The following DNAAF4 variants were observed in gnomAD, a reference collection of about 807,000 sequenced individuals.
DNAAF4 encodes the protein dynein assembly factor 4, axonemal.
DNAAF4 carries 43 observed loss-of-function variants against 51.8 expected under a neutral mutation model. The ratio of observed to expected loss-of-function variants is 0.83; its 90% CI spans 0.65 to 1.07. The LOEUF is 1.07. DNAAF4 is among the 50% of genes least tolerant of loss of function. DNAAF4 has a pLI of 0.00. For synonymous variants in DNAAF4, 194 were observed against 165.6 expected, an observed-to-expected ratio of 1.17 and a Z score of -1.32; for missense variants, 581 against 493.0, an observed-to-expected ratio of 1.18 and a Z score of -1.69.
intron 6 of DNAAF4, among the ~76,000 whole-genome samples, chr15:55,449,688 A>T (rs1308642301): frequency 1.6e-5 from 2 of 128,472 alleles, no homozygotes; most frequent in Non-Finnish European, 3.1e-5. Flanking sequence ...ACAACAACAA[A>T]AAGACCGCTT....
intron 6 of DNAAF4, among the ~76,000 whole-genome samples, chr15:55,440,428 G>C (rs1309011756): frequency 6.6e-6 from 1 of 151,644 alleles, no homozygotes; most frequent in East Asian, 1.9e-4. Flanking sequence ...ACTCAGGCTG[G>C]AGTGCAGTGG....
intron 4 of DNAAF4, among the ~76,000 whole-genome samples, chr15:55,486,157 C>T (rs2058485413): frequency 6.6e-6 from 1 of 151,196 alleles, no homozygotes; most frequent in African/African-American, 2.4e-5. Flanking sequence ...GATGACCCTG[C>T]CTCGTTTTTC....
intron 6 of DNAAF4, among the ~76,000 whole-genome samples, chr15:55,441,871 T>C (rs1038742370): frequency 6.6e-6 from 1 of 152,216 alleles, no homozygotes; most frequent in Non-Finnish European, 1.5e-5. Flanking sequence ...TTCATTCCTA[T>C]AGAATTTGGC....
intron 5 of DNAAF4, among the ~76,000 whole-genome samples, chr15:55,451,414 C>T (rs28483818): frequency 1.3e-5 from 2 of 152,142 alleles, no homozygotes; most frequent in African/African-American, 4.8e-5. Flanking sequence ...GTTGCTCACT[C>T]ATAATGGCAA....
intron 4 of DNAAF4, among the ~76,000 whole-genome samples, chr15:55,474,854 C>T (rs1595934007): frequency 6.6e-6 from 1 of 152,142 alleles, no homozygotes; most frequent in African/African-American, 2.4e-5. Context: ...GTGGCGCACG[C>T]CGTAATCCCA....
chr15:55,444,266 A>G (rs1401976669), intron 6 of DNAAF4, among the ~76,000 whole-genome samples: 2 of 152,230 alleles, frequency 1.3e-5, no homozygotes, highest in Non-Finnish European at 2.9e-5. Flanking sequence ...ACATATGGCT[A>G]GCCAGTTTTC....
chr15:55,506,376 C>G (rs1481572198), intron 1 of DNAAF4, among the ~76,000 whole-genome samples: 23 of 152,152 alleles, frequency 1.5e-4, no homozygotes, highest in Non-Finnish European at 1.5e-5. Context: ...CTTTGTGAAC[C>G]ACTGTCCTAC....
chr15:55,467,251 T>C (rs2058183825), intron 4 of DNAAF4, 90 bp from the exon 5 acceptor site: 1 of 1,189,094 alleles, frequency 8.4e-7, no homozygotes, highest in Admixed American at 2.5e-5. Flanking sequence ...TAGTTATTCA[T>C]ACCTCTAAAC....
chr15:55,460,604 C>A (rs2058081710), intron 5 of DNAAF4, among the ~76,000 whole-genome samples: 1 of 152,078 alleles, frequency 6.6e-6, no homozygotes, highest in South Asian at 2.1e-4. Context: ...AGAAAGTCAA[C>A]AAAGAAATAA....
intron 4 of DNAAF4, among the ~76,000 whole-genome samples, chr15:55,488,133 T>TG (rs1567031229): frequency 7.0e-6 from 1 of 142,564 alleles, no homozygotes; most frequent in Non-Finnish European, 1.5e-5. Context: ...TTTTTTTTTT[T>TG]GCTGCGTAAG....
chr15:55,483,459 T>G (rs2058439513), intron 4 of DNAAF4, among the ~76,000 whole-genome samples: 1 of 152,154 alleles, frequency 6.6e-6, no homozygotes, highest in African/African-American at 2.4e-5. Context: ...CTGAATAACT[T>G]GTATACATAC....
rs1042245209 is a variant in DNAAF4, at chr15:55,498,444, C to T, written c.-115G>A. The T allele has an allele frequency of 8.9e-6, 13 of 1,462,758 alleles. No homozygotes were observed. The African/African-American group carries it at 1.9e-4, about 21-fold the overall frequency. 90.6% of individuals were successfully genotyped at this position (1,462,758 alleles called of 1,614,324 possible). Reference sequence around the variant, plus strand: ...TTCCGGGTCAGGCCGGCCGGGAGCCCGGCGTTCCCAGCGTGCTCCGGCGCC... The same window carrying T: ...TTCCGGGTCAGGCCGGCCGGGAGCCTGGCGTTCCCAGCGTGCTCCGGCGCC... On this transcript the variant is annotated 5_prime_UTR_variant, in exon 2 of 10. Coordinates refer to ENST00000321149, the MANE Select transcript of DNAAF4 (RefSeq NM_130810.4).
At chr15:55,453,548 CTTTTT>C (rs1228330492) in intron 5 of DNAAF4, among the ~76,000 whole-genome samples, 1 of 115,672 alleles carries the variant, frequency 8.6e-6, no homozygotes, top group African/African-American at 3.4e-5. Context: ...AAAAACAGTT[CTTTTT>C]TTTTTTTTTT....
At chr15:55,433,838 T>TATTA (rs1555413795) in intron 8 of DNAAF4, among the ~76,000 whole-genome samples, 2 of 68,752 alleles carry the variant, frequency 2.9e-5, no homozygotes, top group Non-Finnish European at 5.6e-5. Flanking sequence ...ATTACATATA[T>TATTA]TATATATTAT....
chr15:55,455,413 T>TATATATATATATATATATA (rs2058004968), intron 5 of DNAAF4, among the ~76,000 whole-genome samples: 2 of 141,744 alleles, frequency 1.4e-5, no homozygotes, highest in African/African-American at 5.2e-5. Flanking sequence ...TATATATATA[T>TATATATATATATATATATA]TCAATCTAAA....
At chr15:55,490,893 G>C in intron 4 of DNAAF4, 2 of 345,072 alleles carry the variant, frequency 5.8e-6, no homozygotes, top group Non-Finnish European at 1.0e-5. Context: ...AGTGGAGCTT[G>C]CAGTGAGCCC....
chr15:55,424,625 C>T (rs913430091), intron 7 of DNAAF4, among the ~76,000 whole-genome samples: 2 of 152,210 alleles, frequency 1.3e-5, no homozygotes, highest in African/African-American at 4.8e-5. Flanking sequence ...TGCAGTGGCA[C>T]GATCTCAGCT....
At chr15:55,494,977 C>T (rs1253894225) in intron 3 of DNAAF4, among the ~76,000 whole-genome samples, 1 of 151,950 alleles carries the variant, frequency 6.6e-6, no homozygotes, top group African/African-American at 2.4e-5. Context: ...ATGACAGAGA[C>T]CATATGGCCT....
intron 7 of DNAAF4, among the ~76,000 whole-genome samples, chr15:55,419,828 C>T (rs896895858): frequency 2.0e-5 from 3 of 151,996 alleles, no homozygotes; most frequent in South Asian, 2.1e-4. Context: ...TGGTGAAACC[C>T]CATCTCAACT....
Sources: allele counts gnomAD v4.1 joint callset (sites outside exome capture counted in the v4.1 genomes callset), GRCh38; gene constraint gnomAD v4.1.1; transcripts MANE v1.5; gene names NCBI Gene and HGNC (gene_info 2026-07-23, HGNC 2026-07-21).